The following PDGFD variants were observed in gnomAD, a reference collection of about 807,000 sequenced individuals.
The protein encoded by PDGFD is platelet derived growth factor D.
In PDGFD, 30 loss-of-function variants were observed where a neutral mutation model predicts 44.7. That is an observed-to-expected ratio of 0.67 (90% CI 0.50 to 0.91). The LOEUF is 0.91. Ranked by LOEUF, PDGFD falls within the 40% of genes least tolerant of loss-of-function variation. The probability of loss-of-function intolerance (pLI) is 0.00; values close to 1 mark genes in which losing one functional copy is unlikely to be tolerated. For synonymous variants in PDGFD, 173 were observed against 168.4 expected (o/e 1.03, Z -0.21); for missense variants, 445 against 457.8 (o/e 0.97, Z 0.25).
At chr11:104,129,431 A>G (rs1861885794) in intron 1 of PDGFD, among the ~76,000 whole-genome samples, 1 of 152,124 alleles carries the variant, frequency 6.6e-6, no homozygotes, top group Non-Finnish European at 1.5e-5. Flanking sequence ...TCATGAGCAG[A>G]CACACAGAAA....
chr11:104,060,398 GAGTAC>G (rs1366043284), intron 1 of PDGFD, among the ~76,000 whole-genome samples: 4 of 152,172 alleles, frequency 2.6e-5, no homozygotes, highest in Non-Finnish European at 5.9e-5. Context: ...AGGCCTGGAG[GAGTAC>G]AGTCCTATTT....
chr11:104,149,986 C>T (rs1862218699), intron 1 of PDGFD, among the ~76,000 whole-genome samples: 1 of 152,116 alleles, frequency 6.6e-6, no homozygotes, highest in South Asian at 2.1e-4. Flanking sequence ...ATGACATCAA[C>T]ATACCTAATG....
intron 1 of PDGFD, among the ~76,000 whole-genome samples, chr11:104,101,974 C>T (rs973679891): frequency 5.3e-5 from 8 of 151,864 alleles, no homozygotes; most frequent in Admixed American, 5.2e-4. Context: ...CATAAAAACC[C>T]TAGAAGAAAA....
chr11:103,915,505 G>A (rs572441191), intron 6 of PDGFD, among the ~76,000 whole-genome samples: 20 of 152,272 alleles, frequency 1.3e-4, no homozygotes, highest in African/African-American at 4.6e-4. Context: ...TCATGAAAAT[G>A]GCCATACTGC....
chr11:104,052,557 G>T (rs759744957), intron 1 of PDGFD, among the ~76,000 whole-genome samples: 3 of 148,676 alleles, frequency 2.0e-5, no homozygotes, highest in African/African-American at 5.2e-5. Context: ...AAGGTGCTCA[G>T]TAAGTGTTTA....
chr11:104,043,689 G>A (rs540363657), intron 1 of PDGFD, among the ~76,000 whole-genome samples: 4 of 152,122 alleles, frequency 2.6e-5, no homozygotes, highest in Non-Finnish European at 5.9e-5. Flanking sequence ...TGAGAGCCTC[G>A]GGAAGCTTTC....
intron 1 of PDGFD, among the ~76,000 whole-genome samples, chr11:104,022,052 A>G (rs561429342): frequency 1.3e-5 from 2 of 152,338 alleles, no homozygotes; most frequent in East Asian, 3.9e-4. Flanking sequence ...AAAAGAGAAC[A>G]TAAGCACAAA....
intron 6 of PDGFD, among the ~76,000 whole-genome samples, chr11:103,924,098 G>C (rs1291374967): frequency 1.3e-5 from 2 of 152,178 alleles, no homozygotes; most frequent in African/African-American, 4.8e-5. Context: ...AAACTAACTG[G>C]CTGGGAGGCA....
chr11:103,993,940 C>T (rs995091979), intron 3 of PDGFD, among the ~76,000 whole-genome samples: 1 of 151,454 alleles, frequency 6.6e-6, no homozygotes, highest in African/African-American at 2.4e-5. Context: ...AAAAAAAACA[C>T]AAAATTGAAT....
At chr11:103,914,774 G>A (rs1223973980) in intron 6 of PDGFD, among the ~76,000 whole-genome samples, 1 of 152,164 alleles carries the variant, frequency 6.6e-6, no homozygotes, top group African/African-American at 2.4e-5. Context: ...TCATCCCTGG[G>A]ATGCAAGGCT....
chr11:104,056,425 T>G (rs572070665), intron 1 of PDGFD, among the ~76,000 whole-genome samples: 2 of 152,110 alleles, frequency 1.3e-5, no homozygotes, highest in Admixed American at 6.5e-5. Context: ...AATCTTAGGA[T>G]GAGATAATTC....
At chr11:103,922,983 C>G (rs1476455492) in intron 6 of PDGFD, among the ~76,000 whole-genome samples, 1 of 152,144 alleles carries the variant, frequency 6.6e-6, no homozygotes, top group Non-Finnish European at 1.5e-5. Flanking sequence ...ATACTCTGCC[C>G]TATCATATTT....
intron 2 of PDGFD, among the ~76,000 whole-genome samples, chr11:103,997,450 T>G (rs576179161): frequency 4.1e-4 from 63 of 152,296 alleles, no homozygotes; most frequent in Non-Finnish European, 8.4e-4. Context: ...GTGACTAAAT[T>G]TCTCTAACAG....
Position 103,996,226 on chromosome 11 carries a change from C to A in PDGFD, c.349G>T (p.Glu117Ter), listed in dbSNP as rs1373391412. 6.2e-7 allele frequency: 1 copy of A among 1,610,632 alleles called. No individual in the cohort carries two copies. The highest frequency in any genetic ancestry group is 2.2e-5 in the East Asian group (1 of 44,698). ...ATGGTACTGGTTTCGGATATATCTT[C>A]AACTTCCACAAAATCATACCTAGAA... ...DICRYDFVEV[E>*]DISETSTIIR... Residue 117 changes from glutamate (E) to a stop codon, truncating the protein, a stop_gained, in exon 3 of 7, where the codon GAA becomes TAA. Transcript: ENST00000393158. LOFTEE classifies it high-confidence loss of function.
chr11:104,129,258 T>A (rs1409646139), intron 1 of PDGFD, among the ~76,000 whole-genome samples: 1 of 152,050 alleles, frequency 6.6e-6, no homozygotes, highest in Non-Finnish European at 1.5e-5. Flanking sequence ...ACTTCAACCT[T>A]TTTTATCTTT....
At chr11:104,125,479 G>A (rs955761308) in intron 1 of PDGFD, among the ~76,000 whole-genome samples, 4 of 151,882 alleles carry the variant, frequency 2.6e-5, no homozygotes, top group Non-Finnish European at 4.4e-5. Context: ...CTACCTTAAC[G>A]AAAATGCTTG....
At chr11:104,120,869 A>T (rs1182405145) in intron 1 of PDGFD, among the ~76,000 whole-genome samples, 2 of 151,864 alleles carry the variant, frequency 1.3e-5, no homozygotes, top group Non-Finnish European at 1.5e-5. Context: ...CCTACTCCCA[A>T]AGTAGATCAG....
At chr11:104,128,350 T>A (rs1861868950) in intron 1 of PDGFD, among the ~76,000 whole-genome samples, 1 of 152,134 alleles carries the variant, frequency 6.6e-6, no homozygotes, top group African/African-American at 2.4e-5. Context: ...TACTTTGAAA[T>A]TTGTGCCCAA....
intron 1 of PDGFD, among the ~76,000 whole-genome samples, chr11:104,122,263 T>C (rs1861788280): frequency 6.6e-6 from 1 of 150,874 alleles, no homozygotes; most frequent in African/African-American, 2.4e-5. Flanking sequence ...ATTTTTCCTC[T>C]TTTTTTTTGT....
Sources: gnomAD v4.1 joint callset for allele counts (sites outside exome capture counted in the v4.1 genomes callset) on GRCh38, gnomAD v4.1.1 for gene constraint, MANE v1.5 for transcripts, NCBI Gene and HGNC (gene_info 2026-07-23, HGNC 2026-07-21) for gene names.